TASP1: variants seen among roughly 807,000 people sequenced by gnomAD.
TASP1 encodes taspase 1.
Under a neutral mutation model 56.6 loss-of-function variants are expected in TASP1, and 16 were observed. The observed-to-expected ratio is 0.28, with a 90% confidence interval of 0.19 to 0.43. The LOEUF is 0.43. Ranked by LOEUF, TASP1 falls within the 20% of genes least tolerant of loss-of-function variation. The pLI, the probability that TASP1 is intolerant of heterozygous loss-of-function variation, is 1.00. For synonymous variants in TASP1, 179 were observed against 184.2 expected (o/e 0.97, Z 0.23); for missense variants, 393 against 511.6 (o/e 0.77, Z 2.24).
chr20:13,509,124 AGTGTGT>A lies in TASP1; in HGVS notation c.874+19303_874+19308del, dbSNP rs71334125. 2.0e-3 allele frequency among the ~76,000 whole-genome samples: 290 copies of A among 142,846 alleles called. 1 individual carries two copies. The highest frequency in any genetic ancestry group is 7.0e-3 in the Middle Eastern group (2 of 284). The allele number at this position is 142,846 out of a possible 152,430, so 93.7% of individuals were successfully genotyped here. On this transcript the variant is annotated intron_variant, in intron 10 of 13. Coordinates refer to ENST00000337743, the MANE Select transcript of TASP1 (RefSeq NM_017714.3). ...AATGAATGAATGAATGAATGAAGAAAGTGTGTGTGTGTGTGTGTGTGTGTGTGTGTG... is the reference window on the plus strand; with the variant it reads ...AATGAATGAATGAATGAATGAAGAAAGTGTGTGTGTGTGTGTGTGTGTGTG...
the TASP1 span, among the ~76,000 whole-genome samples, chr20:13,316,416 G>C: frequency 6.6e-6 from 1 of 151,904 alleles, no homozygotes; most frequent in African/African-American, 2.4e-5. Context: ...AATAGAAGTA[G>C]AGGGAATTAT....
chr20:13,469,284 T>TA (rs1306340496), intron 11 of TASP1, among the ~76,000 whole-genome samples: 1 of 152,166 alleles, frequency 6.6e-6, no homozygotes, highest in Non-Finnish European at 1.5e-5. Context: ...CTGTGGTAGA[T>TA]ACAATCATCT....
At chr20:13,415,535 C>G (rs1324763997) in intron 13 of TASP1, among the ~76,000 whole-genome samples, 1 of 148,026 alleles carries the variant, frequency 6.8e-6, no homozygotes, top group East Asian at 2.0e-4. Context: ...CAAGGAAGGT[C>G]AAAAACATAA....
chr20:13,321,424 T>C, the TASP1 span, among the ~76,000 whole-genome samples: 1 of 152,162 alleles, frequency 6.6e-6, no homozygotes, highest in Non-Finnish European at 1.5e-5. Context: ...GCTGCCTTTC[T>C]AGGTAAGAGG....
At chr20:13,193,592 G>A in the TASP1 span, among the ~76,000 whole-genome samples, 2 of 152,196 alleles carry the variant, frequency 1.3e-5, no homozygotes, top group African/African-American at 4.8e-5. Flanking sequence ...AGAAAATACT[G>A]TATAAACACT....
At chr20:13,461,343 T>G (rs1468364202) in intron 11 of TASP1, among the ~76,000 whole-genome samples, 37 of 152,238 alleles carry the variant, frequency 2.4e-4, no homozygotes, top group Non-Finnish European at 1.0e-4. Context: ...ATTTATTTAT[T>G]GTCTGCCTGA....
At chr20:13,460,973 T>C (rs2044031123) in intron 11 of TASP1, among the ~76,000 whole-genome samples, 1 of 152,174 alleles carries the variant, frequency 6.6e-6, no homozygotes, top group African/African-American at 2.4e-5. Context: ...TCCCATCTTA[T>C]GATGGCTTGC....
chr20:13,566,728 G>A (rs1291999193), intron 7 of TASP1, among the ~76,000 whole-genome samples: 1 of 152,136 alleles, frequency 6.6e-6, no homozygotes, highest in Admixed American at 6.6e-5. Flanking sequence ...AAACCACAAT[G>A]AGATACTATC....
At position 13,635,296 on chromosome 20, in the gene TASP1, AC is replaced by A. The variant is rs530613326; in HGVS notation, c.-75+3597del. 7.9e-5 allele frequency among the ~76,000 whole-genome samples: 12 copies of A among 151,872 alleles called. No homozygotes were observed. The East Asian group carries it at 2.3e-3, about 29-fold the overall frequency. On this transcript the variant is annotated intron_variant, in intron 1 of 13. Transcript: ENST00000337743. ...CTTACAACCTTTGATTCTCTTGATC[AC>A]CTGCTTTCCTTGGCAACACACAAAT...
At chr20:13,402,410 G>A (rs142858471) in intron 13 of TASP1, among the ~76,000 whole-genome samples, 1 of 152,318 alleles carries the variant, frequency 6.6e-6, no homozygotes, top group Non-Finnish European at 1.5e-5. Flanking sequence ...AGCCCTAAGA[G>A]CATGAAAAAG....
chr20:13,268,652 G>A, the TASP1 span, among the ~76,000 whole-genome samples: 1 of 152,186 alleles, frequency 6.6e-6, no homozygotes, highest in African/African-American at 2.4e-5. Context: ...GACAGACGAG[G>A]TCTCTATCTC....
chr20:13,616,151 C>T (rs1436842987), intron 4 of TASP1, among the ~76,000 whole-genome samples: 1 of 151,962 alleles, frequency 6.6e-6, no homozygotes, highest in Non-Finnish European at 1.5e-5. Context: ...TAATTAAATC[C>T]CTTTTGTGTA....
chr20:13,518,851 T>C (rs1039092781), intron 10 of TASP1, among the ~76,000 whole-genome samples: 7 of 152,036 alleles, frequency 4.6e-5, no homozygotes, highest in African/African-American at 2.4e-5. Flanking sequence ...GAAAATAAAT[T>C]GTTCTACCAA....
At chr20:13,414,390 TG>T (rs993787110) in intron 13 of TASP1, among the ~76,000 whole-genome samples, 22 of 152,164 alleles carry the variant, frequency 1.4e-4, no homozygotes, top group Admixed American at 1.4e-3. Flanking sequence ...ATGGTCAAGG[TG>T]TTGCCTGGTT....
At chr20:13,116,391 A>G in the TASP1 span, among the ~76,000 whole-genome samples, 2 of 152,226 alleles carry the variant, frequency 1.3e-5, no homozygotes, top group Non-Finnish European at 2.9e-5. Flanking sequence ...CTTGCCTGTC[A>G]ATGCAGTCAA....
At chr20:13,611,853 G>C (rs1402838873) in intron 4 of TASP1, among the ~76,000 whole-genome samples, 1 of 152,156 alleles carries the variant, frequency 6.6e-6, no homozygotes, top group Non-Finnish European at 1.5e-5. Context: ...GCTTATATTA[G>C]TCTCCTCATT....
chr20:13,361,391 T>C, the TASP1 span, among the ~76,000 whole-genome samples: 1 of 152,262 alleles, frequency 6.6e-6, no homozygotes, highest in African/African-American at 2.4e-5. Flanking sequence ...CGAGCAGTTT[T>C]TCAGGCTCTT....
intron 11 of TASP1, among the ~76,000 whole-genome samples, chr20:13,472,503 G>A (rs959211735): frequency 1.3e-5 from 2 of 151,010 alleles, no homozygotes; most frequent in Admixed American, 1.3e-4. Flanking sequence ...TTCGACTAAA[G>A]AGCTTCTGCA....
the TASP1 span, among the ~76,000 whole-genome samples, chr20:13,271,407 A>T: frequency 1.3e-5 from 2 of 152,216 alleles, no homozygotes; most frequent in Non-Finnish European, 2.9e-5. Context: ...TGGGGTTAAA[A>T]ATAATAACTC....
Sources: allele counts gnomAD v4.1 joint callset (sites outside exome capture counted in the v4.1 genomes callset), GRCh38; gene constraint gnomAD v4.1.1; transcripts MANE v1.5; gene names NCBI Gene and HGNC (gene_info 2026-07-23, HGNC 2026-07-21).